PDE1A: variants seen among roughly 807,000 people sequenced by gnomAD.
PDE1A encodes phosphodiesterase 1A.
A neutral mutation model predicts 61.7 loss-of-function variants in PDE1A; 35 were observed. That is an observed-to-expected ratio of 0.57 (90% CI 0.43 to 0.75). The LOEUF (loss-of-function observed/expected upper bound fraction) is 0.75, where lower values mean the gene tolerates loss of function less well. Among genes scored for constraint, PDE1A ranks in the 30% least tolerant of loss-of-function variants. The probability of loss-of-function intolerance (pLI) is 0.00; values close to 1 mark genes in which losing one functional copy is unlikely to be tolerated. For missense variants in PDE1A, 597 were observed against 630.6 expected (o/e 0.95, Z 0.57); for synonymous variants, 232 against 213.2 (o/e 1.09, Z -0.77).
chr2:182,203,091 G>A (rs553113843), intron 8 of PDE1A, among the ~76,000 whole-genome samples: 12 of 152,256 alleles, frequency 7.9e-5, no homozygotes, highest in Non-Finnish European at 1.2e-4. Context: ...CGAGGCGGGT[G>A]GATCACGAGG....
chr2:182,560,037 G>C, the PDE1A span, among the ~76,000 whole-genome samples: 16 of 151,574 alleles, frequency 1.1e-4, no homozygotes, highest in African/African-American at 3.9e-4. Context: ...TGGTGGCAGA[G>C]GGATGGATGA....
chr2:182,240,410 T>C, intron 2 of PDE1A, 118 bp from the exon 3 acceptor site: 1 of 574,302 alleles, frequency 1.7e-6, no homozygotes, highest in African/African-American at 1.9e-5. Context: ...GATTATTCCT[T>C]AATATGTACT....
At chr2:182,669,075 G>A in the PDE1A span, among the ~76,000 whole-genome samples, 1 of 151,912 alleles carries the variant, frequency 6.6e-6, no homozygotes, top group African/African-American at 2.4e-5. Flanking sequence ...ATAGAGGAGA[G>A]AAACAGCCTT....
chr2:182,322,978 T>C (rs1443068100), intron 1 of PDE1A, among the ~76,000 whole-genome samples: 2 of 152,178 alleles, frequency 1.3e-5, no homozygotes, highest in African/African-American at 4.8e-5. Flanking sequence ...AATGAGTTCT[T>C]ATCTGAATGT....
At chr2:182,184,772 T>G (rs1236043273) in intron 13 of PDE1A, among the ~76,000 whole-genome samples, 1 of 152,178 alleles carries the variant, frequency 6.6e-6, no homozygotes, top group Non-Finnish European at 1.5e-5. Flanking sequence ...CCAAGGCCCA[T>G]CTTATTATCT....
the PDE1A span, among the ~76,000 whole-genome samples, chr2:182,671,823 G>A: frequency 2.7e-5 from 4 of 150,470 alleles, no homozygotes; most frequent in Non-Finnish European, 4.4e-5. Context: ...GTTTCACCAT[G>A]TTAGCCAGGA....
intron 1 of PDE1A, among the ~76,000 whole-genome samples, chr2:182,339,254 C>T (rs1048962820): frequency 2.0e-5 from 3 of 152,044 alleles, no homozygotes; most frequent in Non-Finnish European, 4.4e-5. Flanking sequence ...ATTTGTATTT[C>T]TCAAAGGTGC....
the PDE1A span, among the ~76,000 whole-genome samples, chr2:182,568,160 A>T: frequency 6.6e-6 from 1 of 152,150 alleles, no homozygotes; most frequent in South Asian, 2.1e-4. Context: ...AGTTTCCTTT[A>T]GTTAAATTTA....
chr2:182,513,161 G>T (rs1405296833), intron 2 of PDE1A, among the ~76,000 whole-genome samples: 1 of 152,054 alleles, frequency 6.6e-6, no homozygotes, highest in African/African-American at 2.4e-5. Context: ...GATTCTCAAA[G>T]GTCAATGTAA....
chr2:182,145,484 T>C (rs1690446760), downstream of PDE1A, among the ~76,000 whole-genome samples: 1 of 152,212 alleles, frequency 6.6e-6, no homozygotes, highest in Admixed American at 6.5e-5. Flanking sequence ...TCCTAACACT[T>C]TGGGAGGCCG....
chr2:182,705,617 G>A, the PDE1A span, among the ~76,000 whole-genome samples: 2 of 152,170 alleles, frequency 1.3e-5, no homozygotes, highest in South Asian at 2.1e-4. Flanking sequence ...AGGTTCAAGC[G>A]ATTCTTCTGC....
At chr2:182,368,342 C>A (rs377220446) in intron 1 of PDE1A, among the ~76,000 whole-genome samples, 50 of 151,254 alleles carry the variant, frequency 3.3e-4, no homozygotes, top group South Asian at 6.3e-4. Context: ...CAGCCCCCCC[C>A]ACCCAAAGGC....
intron 2 of PDE1A, among the ~76,000 whole-genome samples, chr2:182,253,750 G>C (rs1691575750): frequency 6.6e-6 from 1 of 152,104 alleles, no homozygotes; most frequent in South Asian, 2.1e-4. Context: ...GGCTCTGTTG[G>C]CTAGGAAAAA....
At chr2:182,323,869 G>A (rs1696867965) in intron 1 of PDE1A, among the ~76,000 whole-genome samples, 1 of 152,162 alleles carries the variant, frequency 6.6e-6, no homozygotes, top group South Asian at 2.1e-4. Context: ...CAGCGTGTCA[G>A]TGTGTTGCCA....
chr2:182,640,210 C>T, the PDE1A span, among the ~76,000 whole-genome samples: 1 of 152,188 alleles, frequency 6.6e-6, no homozygotes, highest in Non-Finnish European at 1.5e-5. Context: ...GTTGGTTCCA[C>T]AAGCCTTCTT....
the PDE1A span, among the ~76,000 whole-genome samples, chr2:182,703,661 C>A: frequency 1.2e-4 from 18 of 152,234 alleles, no homozygotes; most frequent in East Asian, 1.7e-3. Context: ...GGAATCCCAA[C>A]TCTGCCAATT....
At chr2:182,424,889 T>C (rs546665288) in intron 1 of PDE1A, among the ~76,000 whole-genome samples, 14 of 152,194 alleles carry the variant, frequency 9.2e-5, no homozygotes, top group Non-Finnish European at 1.3e-4. Flanking sequence ...AACAACTCCC[T>C]GGTGAAAGTA....
the PDE1A span, among the ~76,000 whole-genome samples, chr2:182,618,026 G>A: frequency 2.6e-5 from 4 of 152,172 alleles, no homozygotes; most frequent in African/African-American, 4.8e-5. Flanking sequence ...AGAAACTCCA[G>A]TATTTCATTC....
chr2:182,442,665 A>C (rs62188284), intron 2 of PDE1A, among the ~76,000 whole-genome samples: 26,949 of 151,976 alleles, frequency 0.18, 2,808 homozygotes, highest in Middle Eastern at 0.36. Context: ...GGCAAAACAT[A>C]AACAATTGTT....
Sources: gnomAD v4.1 joint callset for allele counts (sites outside exome capture counted in the v4.1 genomes callset) on GRCh38, gnomAD v4.1.1 for gene constraint, MANE v1.5 for transcripts, NCBI Gene and HGNC (gene_info 2026-07-23, HGNC 2026-07-21) for gene names.